CHLSN: variants seen among roughly 807,000 people sequenced by gnomAD.
CHLSN encodes the protein protein cholesin.
chr7:1,029,794 G>A, the CHLSN span, among the ~76,000 whole-genome samples: 7 of 152,234 alleles, frequency 4.6e-5, no homozygotes, highest in African/African-American at 7.2e-5. Context: ...CTGCAAGGCC[G>A]GAGTCAGGCC....
the CHLSN span, chr7:997,939 C>G: frequency 2.7e-6 from 2 of 747,440 alleles, no homozygotes; most frequent in Non-Finnish European, 4.3e-6. Context: ...AGGGTGTGGG[C>G]GGCCTGGCCA....
the CHLSN span, among the ~76,000 whole-genome samples, chr7:1,070,878 GCACATGCACA>G: frequency 5.7e-5 from 8 of 140,852 alleles, no homozygotes; most frequent in African/African-American, 8.5e-5. Context: ...GCGCACACGT[GCACATGCACA>G]CACGTGCACA....
the CHLSN span, among the ~76,000 whole-genome samples, chr7:1,131,951 C>T: frequency 6.6e-6 from 1 of 152,158 alleles, no homozygotes; most frequent in South Asian, 2.1e-4. Flanking sequence ...AACAAGAGTG[C>T]CATGACAATT....
the CHLSN span, among the ~76,000 whole-genome samples, chr7:1,108,026 G>T: frequency 4.9e-5 from 5 of 102,592 alleles, no homozygotes; most frequent in Non-Finnish European, 5.6e-5. Flanking sequence ...TCCCGCACTG[G>T]AGTCCCGCAC....
the CHLSN span, among the ~76,000 whole-genome samples, chr7:987,817 G>A: frequency 4.6e-5 from 7 of 150,856 alleles, no homozygotes; most frequent in East Asian, 3.9e-4. Flanking sequence ...CGATCCCCTC[G>A]GTGTGTCCTG....
At chr7:1,054,009 C>T in the CHLSN span, among the ~76,000 whole-genome samples, 7 of 152,150 alleles carry the variant, frequency 4.6e-5, no homozygotes, top group African/African-American at 1.4e-4. Flanking sequence ...CAGGCGTGGC[C>T]GAGGAAGGGG....
At chr7:1,052,069 C>T in the CHLSN span, among the ~76,000 whole-genome samples, 1 of 152,266 alleles carries the variant, frequency 6.6e-6, no homozygotes, top group Non-Finnish European at 1.5e-5. This position sits in a 1 kb window ranked among gnomAD's most constrained non-coding sequence, Gnocchi z 4.2. Context: ...ACGATTGAAA[C>T]TGGGCCATCT....
chr7:1,092,301 G>A, the CHLSN span: 1 of 1,611,648 alleles, frequency 6.2e-7, no homozygotes, highest in East Asian at 2.2e-5. Context: ...CCACGCTGGT[G>A]CCCTTCACCG....
the CHLSN span, among the ~76,000 whole-genome samples, chr7:1,083,538 G>C: frequency 6.6e-6 from 1 of 151,982 alleles, no homozygotes; most frequent in East Asian, 1.9e-4. Context: ...TGAGGCAGGA[G>C]AACGGTGTGA....
the CHLSN span, among the ~76,000 whole-genome samples, chr7:1,002,124 A>T: frequency 7.5e-5 from 5 of 66,254 alleles, no homozygotes; most frequent in Admixed American, 1.8e-4. Flanking sequence ...CCTGTGGGTG[A>T]GTGGAGCCCT....
At chr7:1,016,947 C>CA in the CHLSN span, among the ~76,000 whole-genome samples, 1 of 140,994 alleles carries the variant, frequency 7.1e-6, no homozygotes, top group African/African-American at 2.7e-5. Flanking sequence ...CGCCAGCACA[C>CA]GCCAGCGCAC....
At chr7:1,136,331 AATAT>A in the CHLSN span, among the ~76,000 whole-genome samples, 1 of 103,068 alleles carries the variant, frequency 9.7e-6, no homozygotes, top group Non-Finnish European at 1.7e-5. Flanking sequence ...TAAATATATA[AATAT>A]ATAAACATAT....
the CHLSN span, among the ~76,000 whole-genome samples, chr7:1,070,760 CAT>C: frequency 2.9e-4 from 43 of 149,390 alleles, no homozygotes; most frequent in African/African-American, 7.2e-4. Context: ...CGCACGCAGA[CAT>C]ACACATGCAC....
chr7:1,129,422 G>T, the CHLSN span, among the ~76,000 whole-genome samples: 6 of 115,802 alleles, frequency 5.2e-5, 1 homozygote. Flanking sequence ...CGCCATCTCG[G>T]CTCATCCCAC....
the CHLSN span, among the ~76,000 whole-genome samples, chr7:1,135,518 G>A: frequency 1.3e-5 from 2 of 151,758 alleles, no homozygotes; most frequent in African/African-American, 4.8e-5. Context: ...TGTAATCCCA[G>A]CACTTTGGGA....
the CHLSN span, among the ~76,000 whole-genome samples, chr7:1,007,444 G>A: frequency 6.6e-6 from 1 of 152,222 alleles, no homozygotes; most frequent in South Asian, 2.1e-4. Flanking sequence ...ACTCCCCTGT[G>A]GGAATCCCCG....
the CHLSN span, chr7:1,109,456 T>C: frequency 6.6e-6 from 1 of 152,214 alleles, no homozygotes; most frequent in Non-Finnish European, 1.5e-5. Context: ...CATTCCTGCG[T>C]GGTTCCTAAA....
chr7:1,065,623 G>C, the CHLSN span, among the ~76,000 whole-genome samples: 2,939 of 152,316 alleles, frequency 0.019, 104 homozygotes, highest in African/African-American at 0.067. Flanking sequence ...CACCTCACCA[G>C]CGACACAGCG....
the CHLSN span, among the ~76,000 whole-genome samples, chr7:1,136,429 T>C: frequency 1.6e-5 from 2 of 123,358 alleles, no homozygotes; most frequent in Admixed American, 1.8e-4. Context: ...TAAATATATA[T>C]AAACATATAT....
Sources: allele counts gnomAD v4.1 joint callset (sites outside exome capture counted in the v4.1 genomes callset), GRCh38; gene constraint gnomAD v4.1.1; non-coding constraint Gnocchi (gnomAD v3.1); transcripts MANE v1.5; gene names NCBI Gene and HGNC (gene_info 2026-07-23, HGNC 2026-07-21).